Variants in F8 observed in about 807,000 individuals in gnomAD.
F8 encodes the protein antihemophilic factor.
In F8, 12 loss-of-function variants were observed where a neutral mutation model predicts 140.6. The ratio of observed to expected loss-of-function variants is 0.09; its 90% CI spans 0.05 to 0.14. The LOEUF is 0.14. F8 is among the 10% of genes least tolerant of loss of function. The probability of loss-of-function intolerance (pLI) is 1.00; values close to 1 mark genes in which losing one functional copy is unlikely to be tolerated. For synonymous variants in F8, 585 were observed against 614.6 expected, an observed-to-expected ratio of 0.95 and a Z score of 0.71; for missense variants, 1,354 against 1,720.7, an observed-to-expected ratio of 0.79 and a Z score of 3.77.
chrX:154,950,472 T>C (rs1220363452), intron 12 of F8, among the ~76,000 whole-genome samples: 3 of 112,048 alleles, frequency 2.7e-5, no homozygotes, highest in African/African-American at 9.7e-5. Flanking sequence ...ATAATGGTTA[T>C]CTGAAATCAC....
intron 1 of F8, among the ~76,000 whole-genome samples, chrX:155,019,164 T>A (rs1321333385): frequency 1.8e-5 from 2 of 112,106 alleles, no homozygotes; most frequent in Non-Finnish European, 3.8e-5. Flanking sequence ...TGAAAACTTA[T>A]TTATGATAAA....
chrX:154,952,021 T>A (rs2073340170), intron 12 of F8, among the ~76,000 whole-genome samples: 1 of 111,768 alleles, frequency 8.9e-6, no homozygotes, highest in African/African-American at 3.3e-5. Context: ...CAAGTGCACA[T>A]CCTACTTGGA....
intron 13 of F8, among the ~76,000 whole-genome samples, chrX:154,938,421 T>C (rs888818676): frequency 2.0e-4 from 22 of 111,672 alleles, no homozygotes; most frequent in African/African-American, 6.5e-4. Flanking sequence ...CATCACTCCA[T>C]CAAAATTAAT....
chrX:154,864,428 C>T (rs1274487695), intron 22 of F8, among the ~76,000 whole-genome samples: 3 of 112,404 alleles, frequency 2.7e-5, no homozygotes, highest in Non-Finnish European at 5.6e-5. Flanking sequence ...AAGAATCAGG[C>T]AAATATGACA....
intron 9 of F8, 33 bp from the exon 10 acceptor site, chrX:154,961,201 C>T: frequency 1.1e-6 from 1 of 922,121 alleles, no homozygotes; most frequent in South Asian, 2.0e-5. Flanking sequence ...AGATCAAATC[C>T]TAAAACGACT....
At chrX:154,847,547 C>T (rs1216797877) in intron 25 of F8, among the ~76,000 whole-genome samples, 2 of 112,415 alleles carry the variant, frequency 1.8e-5, no homozygotes, top group African/African-American at 6.5e-5. Context: ...TCTTCAATCA[C>T]TGATACCCTT....
At chrX:154,976,040 C>T (rs977779544) in intron 6 of F8, among the ~76,000 whole-genome samples, 8 of 111,030 alleles carry the variant, frequency 7.2e-5, no homozygotes, top group African/African-American at 2.6e-4. Flanking sequence ...GGACTACAGG[C>T]GCCTGCCACC....
chrX:154,921,947 G>A (rs1359396669), intron 14 of F8, among the ~76,000 whole-genome samples: 4 of 111,109 alleles, frequency 3.6e-5, no homozygotes, highest in South Asian at 3.8e-4. Flanking sequence ...GTTAATGGGC[G>A]CAGCACACCA....
At chrX:154,909,107 A>G in intron 14 of F8, 1 of 287,292 alleles carries the variant, frequency 3.5e-6, no homozygotes, top group Non-Finnish European at 6.7e-6. Context: ...TTGACACTGA[A>G]GCCCACATTG....
Position 154,863,150 on chromosome X carries a change from A to C in F8, c.6507T>G (p.Arg2169=). ...FNPPIIARYI[R]LHPTHYSIRS... ...GAATGCTATAATGAGTTGGGTGCAA[A>C]CGGATGTATCGAGCAATAATTGGAG... Residue 2169 remains arginine, a synonymous_variant, in exon 23 of 26, where the codon CGT becomes CGG. Transcript: ENST00000360256. The C allele has an allele frequency of 2.5e-6, 3 of 1,210,044 alleles. No individual in the cohort carries two copies. The highest frequency in any genetic ancestry group is 3.4e-6 in the Non-Finnish European group (3 of 893,702).
At chrX:155,013,613 T>A (rs1398539315) in intron 1 of F8, among the ~76,000 whole-genome samples, 1 of 112,043 alleles carries the variant, frequency 8.9e-6, no homozygotes, top group Non-Finnish European at 1.9e-5. Flanking sequence ...ATATCCATCA[T>A]GAACACAGAC....
At chrX:154,945,554 G>T (rs781830035) in intron 13 of F8, among the ~76,000 whole-genome samples, 1 of 111,967 alleles carries the variant, frequency 8.9e-6, no homozygotes, top group East Asian at 2.8e-4. Context: ...ATCCCTTCAT[G>T]AGAAAACTCT....
intron 22 of F8, among the ~76,000 whole-genome samples, chrX:154,876,158 C>T (rs781847460): frequency 3.2e-5 from 3 of 93,966 alleles, no homozygotes; most frequent in African/African-American, 8.3e-5. Flanking sequence ...CTCGCTCTGT[C>T]GCCCAGGCTG....
intron 25 of F8, among the ~76,000 whole-genome samples, chrX:154,850,385 T>C (rs1269218866): frequency 2.7e-5 from 3 of 110,003 alleles, no homozygotes; most frequent in East Asian, 5.6e-4. Flanking sequence ...GCCTCAGCCT[T>C]CCAAAGTGCT....
intron 14 of F8, among the ~76,000 whole-genome samples, chrX:154,923,662 C>G (rs1428062081): frequency 8.9e-6 from 1 of 112,155 alleles, no homozygotes; most frequent in African/African-American, 3.2e-5. Context: ...TGGTGAAACC[C>G]CATCTCTACT....
chrX:155,009,545 G>A (rs5986903), intron 1 of F8, among the ~76,000 whole-genome samples: 1,261 of 110,198 alleles, frequency 0.011, 18 homozygotes, highest in African/African-American at 0.038. Flanking sequence ...GACACCAGCC[G>A]GGCCAACATG....
At chrX:154,886,042 G>A (rs2072891665) in intron 22 of F8, 1 of 475,857 alleles carries the variant, frequency 2.1e-6, no homozygotes, top group Non-Finnish European at 3.0e-6. Flanking sequence ...GTCATGTTCA[G>A]ATGGAGAGGC....
intron 9 of F8, among the ~76,000 whole-genome samples, chrX:154,963,772 T>C (rs1210337006): frequency 2.1e-4 from 23 of 111,769 alleles, no homozygotes; most frequent in Non-Finnish European, 1.3e-4. Flanking sequence ...ATCCAGAGTA[T>C]AACCTGAATA....
intron 1 of F8, among the ~76,000 whole-genome samples, chrX:155,021,218 T>C (rs1316163751): frequency 9.1e-6 from 1 of 110,292 alleles, no homozygotes; most frequent in Non-Finnish European, 1.9e-5. Flanking sequence ...AAGAAAACCT[T>C]TGTGTGTGTG....
Sources: gnomAD v4.1 joint callset for allele counts (sites outside exome capture counted in the v4.1 genomes callset) on GRCh38, gnomAD v4.1.1 for gene constraint, MANE v1.5 for transcripts, NCBI Gene and HGNC (gene_info 2026-07-23, HGNC 2026-07-21) for gene names.